The following CNTN5 variants were observed in gnomAD, a reference collection of about 807,000 sequenced individuals.
CNTN5 encodes contactin 5.
Under a neutral mutation model 129.1 loss-of-function variants are expected in CNTN5, and 77 were observed. That is an observed-to-expected ratio of 0.60 (90% CI 0.50 to 0.72). The LOEUF (loss-of-function observed/expected upper bound fraction) is 0.72, where lower values mean the gene tolerates loss of function less well. Ranked by LOEUF, CNTN5 falls within the 30% of genes least tolerant of loss-of-function variation. CNTN5 has a pLI of 0.00. For missense variants in CNTN5, 1,478 were observed against 1,328.8 expected (o/e 1.11, Z -1.75); for synonymous variants, 509 against 465.6 (o/e 1.09, Z -1.20).
chr11:99,252,358 A>G (rs1355110761), intron 1 of CNTN5, among the ~76,000 whole-genome samples: 1 of 151,920 alleles, frequency 6.6e-6, no homozygotes, highest in Admixed American at 6.6e-5. Context: ...AAAAACACAC[A>G]AAAAAACCCC....
At chr11:99,394,851 A>G (rs1043803591) in intron 2 of CNTN5, among the ~76,000 whole-genome samples, 4 of 151,812 alleles carry the variant, frequency 2.6e-5, no homozygotes, top group Admixed American at 6.6e-5. Context: ...AGCTCCATCC[A>G]TGTCCCTACA....
intron 7 of CNTN5, among the ~76,000 whole-genome samples, chr11:99,937,872 G>A (rs949137087): frequency 1.3e-5 from 2 of 152,148 alleles, no homozygotes; most frequent in Non-Finnish European, 2.9e-5. Context: ...AACTGAACCA[G>A]GCATCAGTAA....
intron 2 of CNTN5, among the ~76,000 whole-genome samples, chr11:99,465,422 T>C (rs1041814699): frequency 6.6e-6 from 1 of 152,122 alleles, no homozygotes; most frequent in African/African-American, 2.4e-5. Context: ...ATTATACATA[T>C]ATTTAATGTT....
At chr11:100,069,207 C>T (rs1253522505) in intron 10 of CNTN5, among the ~76,000 whole-genome samples, 3 of 152,080 alleles carry the variant, frequency 2.0e-5, no homozygotes, top group East Asian at 1.9e-4. Flanking sequence ...AAGTGGAATG[C>T]AATAGCATGA....
At chr11:99,076,714 T>G (rs952820171) in intron 1 of CNTN5, among the ~76,000 whole-genome samples, 1 of 152,112 alleles carries the variant, frequency 6.6e-6, no homozygotes, top group Non-Finnish European at 1.5e-5. Flanking sequence ...AAAAAAAAAG[T>G]TTCTGATATT....
At chr11:100,164,851 TTTC>T (rs1947574988) in intron 13 of CNTN5, among the ~76,000 whole-genome samples, 2 of 151,996 alleles carry the variant, frequency 1.3e-5, no homozygotes, top group Admixed American at 1.3e-4. Flanking sequence ...TTGCATAACT[TTTC>T]TTACTAATTT....
intron 6 of CNTN5, among the ~76,000 whole-genome samples, chr11:99,889,326 G>GTT (rs1345009817): frequency 0.19 from 3,631 of 18,872 alleles, 257 homozygotes; most frequent in African/African-American, 0.33. Context: ...GTGTGTGTGT[G>GTT]TGTGTGTGTG....
At chr11:99,790,004 C>G (rs767621340) in intron 3 of CNTN5, among the ~76,000 whole-genome samples, 6 of 151,882 alleles carry the variant, frequency 4.0e-5, no homozygotes, top group African/African-American at 7.3e-5. Context: ...GTTTAGCTCC[C>G]ACTTATAAGT....
At chr11:99,426,762 G>A (rs1029746857) in intron 2 of CNTN5, among the ~76,000 whole-genome samples, 1 of 152,122 alleles carries the variant, frequency 6.6e-6, no homozygotes, top group African/African-American at 2.4e-5. Flanking sequence ...TTGTGGCCTT[G>A]TATCTCATGA....
intron 23 of CNTN5, among the ~76,000 whole-genome samples, chr11:100,348,025 T>C (rs1952324656): frequency 6.6e-6 from 1 of 152,006 alleles, no homozygotes; most frequent in African/African-American, 2.4e-5. Context: ...TAGGATCATC[T>C]CTTTAGATAA....
intron 3 of CNTN5, among the ~76,000 whole-genome samples, chr11:99,636,193 T>C (rs959597294): frequency 6.6e-6 from 1 of 152,074 alleles, no homozygotes; most frequent in Admixed American, 6.5e-5. Context: ...AGAATGGGAA[T>C]TCTACTTTTA....
rs529201346 is a variant in CNTN5, at chr11:100,080,132, T to A, written c.1580+5838T>A. ...CATAGAATGTCATATATGTTTAAAA[T>A]TATTCACAATTATTGAAATTTCAAC... On this transcript the variant is annotated intron_variant, in intron 13 of 24. Coordinates refer to ENST00000524871, the MANE Select transcript of CNTN5 (RefSeq NM_014361.4). Among the ~76,000 whole-genome samples the A allele has an allele frequency of 1.7e-4, 26 of 152,264 alleles. No individual in the cohort carries two copies. In the East Asian group the frequency reaches 5.0e-3, roughly 29 times the overall value.
At chr11:99,974,181 G>C (rs1007823736) in intron 8 of CNTN5, among the ~76,000 whole-genome samples, 1 of 152,134 alleles carries the variant, frequency 6.6e-6, no homozygotes, top group Non-Finnish European at 1.5e-5. Context: ...CAGCAAAACA[G>C]CATTTTGAGC....
intron 1 of CNTN5, among the ~76,000 whole-genome samples, chr11:99,245,912 C>G (rs201878704): frequency 6.6e-6 from 1 of 152,082 alleles, no homozygotes; most frequent in Non-Finnish European, 1.5e-5. Flanking sequence ...TCTTCAGATA[C>G]TGCCAAATAT....
chr11:99,993,314 T>G (rs1274281871), intron 8 of CNTN5, among the ~76,000 whole-genome samples: 1 of 152,196 alleles, frequency 6.6e-6, no homozygotes, highest in Non-Finnish European at 1.5e-5. Context: ...GCAACACTTT[T>G]ATCAGCAACT....
At chr11:100,335,163 C>CA (rs5794051) in intron 21 of CNTN5, among the ~76,000 whole-genome samples, 56,528 of 150,842 alleles carry the variant, frequency 0.37, 11,109 homozygotes, top group East Asian at 0.7. Flanking sequence ...AAAATGGCTC[C>CA]AAAAAAAATT....
intron 16 of CNTN5, among the ~76,000 whole-genome samples, chr11:100,227,782 C>T (rs1390540723): frequency 2.0e-5 from 3 of 152,110 alleles, no homozygotes; most frequent in Non-Finnish European, 4.4e-5. Flanking sequence ...ATAGAGAAAG[C>T]ATGACTAAAT....
chr11:99,356,918 T>A (rs1202440232), intron 2 of CNTN5, among the ~76,000 whole-genome samples: 1 of 147,750 alleles, frequency 6.8e-6, no homozygotes, highest in Non-Finnish European at 1.5e-5. Context: ...AGAATAAAGA[T>A]CTTTACTTAA....
chr11:99,915,769 CTCTT>C (rs1038002569), intron 6 of CNTN5, among the ~76,000 whole-genome samples: 3 of 152,086 alleles, frequency 2.0e-5, no homozygotes, highest in African/African-American at 7.2e-5. Context: ...TAAAAAATGA[CTCTT>C]TGTGTTAAAA....
Sources: allele counts gnomAD v4.1 joint callset (sites outside exome capture counted in the v4.1 genomes callset), GRCh38; gene constraint gnomAD v4.1.1; transcripts MANE v1.5; gene names NCBI Gene and HGNC (gene_info 2026-07-23, HGNC 2026-07-21).